Variants in NIPSNAP2 observed in about 807,000 individuals in gnomAD.
NIPSNAP2 encodes nipsnap homolog 2.
In NIPSNAP2, 42 loss-of-function variants were observed where a neutral mutation model predicts 48.4. The observed-to-expected ratio is 0.87, with a 90% CI of 0.68 to 1.12. The LOEUF (loss-of-function observed/expected upper bound fraction) is 1.12. Among genes scored for constraint, NIPSNAP2 ranks in the 50% most tolerant of loss-of-function variants. The pLI is 0.00. For synonymous variants in NIPSNAP2, 158 were observed against 126.6 expected (o/e 1.25, Z -1.67); for missense variants, 314 against 347.3 (o/e 0.90, Z 0.76).
At chr7:55,984,751 G>T in intron 6 of NIPSNAP2, 96 bp from the exon 7 acceptor site, 37 of 928,638 alleles carry the variant, frequency 4.0e-5, no homozygotes, top group Non-Finnish European at 4.5e-5. Context: ...TTTGAAGTTA[G>T]TTTTGTCACT....
intron 1 of NIPSNAP2, among the ~76,000 whole-genome samples, chr7:55,967,948 C>T (rs1434246646): frequency 6.6e-6 from 1 of 151,948 alleles, no homozygotes; most frequent in Non-Finnish European, 1.5e-5. Context: ...CCACACCCGG[C>T]TGCTAATTTT....
chr7:55,977,433 AT>A (rs1424269532), intron 1 of NIPSNAP2, among the ~76,000 whole-genome samples: 7 of 152,006 alleles, frequency 4.6e-5, no homozygotes, highest in South Asian at 2.1e-4. Flanking sequence ...TGAGGGGTAA[AT>A]TTTTTTTAAA....
intron 8 of NIPSNAP2, 79 bp downstream of exon 8, chr7:55,995,067 G>C (rs1427640252): frequency 1.9e-5 from 23 of 1,204,780 alleles, no homozygotes; most frequent in South Asian, 2.4e-5. Context: ...AGCACATCTT[G>C]AGTCAGTAAC....
chr7:55,982,027 G>A (rs6947109), intron 4 of NIPSNAP2, 183 bp from the exon 5 acceptor site: 58,154 of 407,572 alleles, frequency 0.14, 4,784 homozygotes, highest in Non-Finnish European at 0.17. Context: ...GGCTGGTCTG[G>A]AACTCCTGAC....
Position 55,992,562 on chromosome 7 carries a change from A to G in NIPSNAP2, c.618-2332A>G, listed in dbSNP as rs1787475254. ...TTTTTCCCCCTTTTGAGATGTTATCATTCAGTATATATGAAGTTTGCCTCC... is the reference window on the plus strand; with the variant it reads ...TTTTTCCCCCTTTTGAGATGTTATCGTTCAGTATATATGAAGTTTGCCTCC... On this transcript the variant is annotated intron_variant, in intron 7 of 9. Transcript: ENST00000322090. 2.6e-5 allele frequency among the ~76,000 whole-genome samples: 4 copies of G among 152,098 alleles called. No individual in the cohort carries two copies. In the South Asian group the frequency reaches 8.3e-4, roughly 31 times the overall value.
At chr7:55,977,466 C>G (rs1490087123) in intron 1 of NIPSNAP2, among the ~76,000 whole-genome samples, 1 of 151,912 alleles carries the variant, frequency 6.6e-6, no homozygotes, top group Non-Finnish European at 1.5e-5. Flanking sequence ...TTTCATTTTC[C>G]TTGTATTTTT....
Position 55,978,298 on chromosome 7 carries a change from C to CT in NIPSNAP2, c.232+40dup, listed in dbSNP as rs751224461. The CT allele has an allele frequency of 1.2e-5, 19 of 1,612,922 alleles. No individual in the cohort carries two copies. The South Asian group carries it at 1.9e-4, about 16-fold the overall frequency. The stretch of plus-strand genomic sequence containing the variant: ...ACAGGTTTGCTATCTTCATAGTTGA[C>CT]TTTTTTTCCCCTTTGTTCCTAAGTT... On this transcript the variant is annotated intron_variant, in intron 2 of 9. Transcript: ENST00000322090.
intron 7 of NIPSNAP2, among the ~76,000 whole-genome samples, chr7:55,994,544 C>T (rs1278092776): frequency 2.0e-5 from 3 of 152,030 alleles, no homozygotes; most frequent in Non-Finnish European, 2.9e-5. Flanking sequence ...GAAATCTTGT[C>T]TCTACTAAAA....
At chr7:55,974,864 A>AAG (rs1554341938) in intron 1 of NIPSNAP2, among the ~76,000 whole-genome samples, 1,725 of 149,130 alleles carry the variant, frequency 0.012, 42 homozygotes, top group African/African-American at 0.04. Context: ...AAAAAAAAAA[A>AAG]AAAGAAATAC....
intron 7 of NIPSNAP2, among the ~76,000 whole-genome samples, chr7:55,986,183 A>G (rs1175017694): frequency 1.3e-5 from 2 of 151,816 alleles, no homozygotes; most frequent in Non-Finnish European, 2.9e-5. Flanking sequence ...CCTGGGCAAC[A>G]TGACGAAACC....
intron 8 of NIPSNAP2, 145 bp downstream of exon 8, chr7:55,995,133 T>C: frequency 1.5e-6 from 1 of 675,966 alleles, no homozygotes; most frequent in South Asian, 1.8e-5. Flanking sequence ...CGGGGCTGTC[T>C]GGAACTAGCG....
chr7:55,983,769 C>T lies in NIPSNAP2; in HGVS notation c.486C>T (p.Leu162=). ...GTAAGGCAAGAAGTGACATGCTTCTCTCCAGGAAGAATCAGCTCCTGTTGG... is the reference window on the plus strand; with the variant it reads ...GTAAGGCAAGAAGTGACATGCTTCTTTCCAGGAAGAATCAGCTCCTGTTGG... The part of the protein sequence containing the change: ...EFRKARSDML[L]SRKNQLLLEF... Residue 162 remains leucine (L), a synonymous_variant, in exon 6 of 10, where the codon CTC becomes CTT. Transcript: ENST00000322090. 6.2e-7 allele frequency: 1 copy of T among 1,614,126 alleles called. No homozygotes were observed. The highest frequency in any genetic ancestry group is 8.5e-7 in the Non-Finnish European group (1 of 1,179,986).
chr7:55,981,689 T>C (rs1787219793), intron 4 of NIPSNAP2, 122 bp downstream of exon 4: 1 of 608,384 alleles, frequency 1.6e-6, no homozygotes, highest in Non-Finnish European at 2.9e-6. Flanking sequence ...TCTAATTTTA[T>C]GATTAAAGTA....
chr7:55,975,545 C>T (rs1035819292), intron 1 of NIPSNAP2, among the ~76,000 whole-genome samples: 1 of 151,990 alleles, frequency 6.6e-6, no homozygotes, highest in East Asian at 1.9e-4. Flanking sequence ...GCAGTGGTTG[C>T]TAGAGATGGG....
chr7:55,994,226 T>A (rs1047376081), intron 7 of NIPSNAP2, among the ~76,000 whole-genome samples: 8 of 152,218 alleles, frequency 5.3e-5, no homozygotes, highest in Non-Finnish European at 8.8e-5. Flanking sequence ...TCTGAGGGTG[T>A]TCTGGAGAAG....
In NIPSNAP2 at chr7:55,983,750, C is replaced by G; in HGVS notation, c.467C>G (p.Ala156Gly). Residue 156 changes from alanine to glycine, a missense_variant, in exon 6 of 10, where the codon GCA becomes GGA. Ala to Gly is a moderately conservative substitution (Grantham distance 60). This residue lies in a region of NIPSNAP2 where 198 missense variants were observed against 185.5 expected (regional missense o/e 1.07). Coordinates refer to ENST00000322090, the MANE Select transcript of NIPSNAP2 (RefSeq NM_001483.3). ...AAGGAATTTTTGGAATTTCGTAAGG[C>G]AAGAAGTGACATGCTTCTCTCCAGG... is the stretch of plus-strand genomic sequence containing the variant. Reference protein sequence around the residue: ...ENKEFLEFRKARSDMLLSRKN... With the variant: ...ENKEFLEFRKGRSDMLLSRKN... 1 of 1,613,920 alleles carries G rather than the reference C, an allele frequency of 6.2e-7. No homozygotes were observed. Among genetic ancestry groups the G allele is most frequent in the African/African-American group, 1.3e-5 (1 of 75,036 alleles).
intron 7 of NIPSNAP2, among the ~76,000 whole-genome samples, chr7:55,990,891 G>A (rs577181628): frequency 1.4e-4 from 21 of 151,648 alleles, no homozygotes; most frequent in African/African-American, 4.6e-4. Context: ...GGGTTCAAGC[G>A]ATTAGCCTGC....
At chr7:55,979,953 C>G (rs1024496558) in intron 3 of NIPSNAP2, 10 of 424,678 alleles carry the variant, frequency 2.4e-5, no homozygotes, top group Non-Finnish European at 4.7e-5. Context: ...CAAATCCATG[C>G]GTGACTTTGT....
chr7:55,988,412 G>T (rs1213542520), intron 7 of NIPSNAP2, among the ~76,000 whole-genome samples: 1 of 152,110 alleles, frequency 6.6e-6, no homozygotes, highest in Non-Finnish European at 1.5e-5. Flanking sequence ...AAACTATAAT[G>T]GGATACCAGT....
Sources: allele counts gnomAD v4.1 joint callset (sites outside exome capture counted in the v4.1 genomes callset), GRCh38; gene constraint gnomAD v4.1.1; regional missense constraint gnomAD v4.1.1; transcripts MANE v1.5; gene names NCBI Gene and HGNC (gene_info 2026-07-23, HGNC 2026-07-21).